Variants in GALNT17 observed in about 807,000 individuals in gnomAD.
GALNT17 encodes the protein polypeptide N-acetylgalactosaminyltransferase 17, also known as UDP-GalNAc:polypeptide N-acetylgalactosaminyltransferase-like 3.
A neutral mutation model predicts 63.7 loss-of-function variants in GALNT17; 29 were observed. The ratio of observed to expected loss-of-function variants is 0.46; its 90% CI spans 0.34 to 0.62. The LOEUF is 0.62. Among genes scored for constraint, GALNT17 ranks in the 20% least tolerant of loss-of-function variants. The probability of loss-of-function intolerance (pLI) is 0.01; values close to 1 mark genes in which losing one functional copy is unlikely to be tolerated. For missense variants in GALNT17, 603 were observed against 799.6 expected (o/e 0.75, Z 2.97); for synonymous variants, 305 against 318.3 (o/e 0.96, Z 0.45).
At chr7:71,599,490 G>C (rs1376515275) in intron 6 of GALNT17, among the ~76,000 whole-genome samples, 1 of 152,000 alleles carries the variant, frequency 6.6e-6, no homozygotes, top group Non-Finnish European at 1.5e-5. Context: ...GTTCCACCCC[G>C]CATCATTCTG....
chr7:71,660,558 A>G (rs1304547053), intron 6 of GALNT17, among the ~76,000 whole-genome samples: 2 of 152,286 alleles, frequency 1.3e-5, no homozygotes, highest in South Asian at 2.1e-4. Context: ...CTTTCTTGGG[A>G]CCAGCTGTAC....
At chr7:71,367,670 A>G (rs949217845) in intron 2 of GALNT17, among the ~76,000 whole-genome samples, 1 of 152,120 alleles carries the variant, frequency 6.6e-6, no homozygotes, top group Non-Finnish European at 1.5e-5. Flanking sequence ...TGACGAGTCC[A>G]CCAGCTCCTT....
chr7:71,511,086 G>A (rs932100377), intron 5 of GALNT17, among the ~76,000 whole-genome samples: 4 of 152,100 alleles, frequency 2.6e-5, no homozygotes, highest in African/African-American at 9.7e-5. Context: ...GGAGGCTGAG[G>A]CAGGAGGATC....
chr7:71,322,568 G>C (rs145306781), intron 1 of GALNT17, among the ~76,000 whole-genome samples: 71 of 152,224 alleles, frequency 4.7e-4, no homozygotes, highest in Non-Finnish European at 8.8e-4. Flanking sequence ...TGTCTTCTAG[G>C]ACAGAATTTA....
chr7:71,496,858 G>A (rs950692922), intron 5 of GALNT17, among the ~76,000 whole-genome samples: 6 of 152,022 alleles, frequency 3.9e-5, no homozygotes, highest in East Asian at 1.9e-4. Context: ...AGGATTGCTC[G>A]AGGCCAGGAG....
intron 1 of GALNT17, among the ~76,000 whole-genome samples, chr7:71,321,236 G>A (rs1421191568): frequency 6.6e-6 from 1 of 152,276 alleles, no homozygotes; most frequent in East Asian, 1.9e-4. Context: ...ATAAATGCTA[G>A]GAGGCTAAGT....
chr7:71,321,802 G>T (rs1332622171), intron 1 of GALNT17, among the ~76,000 whole-genome samples: 2 of 150,724 alleles, frequency 1.3e-5, no homozygotes, highest in Admixed American at 1.3e-4. Context: ...AAAATGCTCA[G>T]ATTACAGGCA....
intron 5 of GALNT17, among the ~76,000 whole-genome samples, chr7:71,548,218 G>T: frequency 6.6e-6 from 1 of 151,300 alleles, no homozygotes. Flanking sequence ...CTCCAGCCTG[G>T]GCAACAGAGC....
At chr7:71,691,313 T>G (rs1208931483) in intron 9 of GALNT17, among the ~76,000 whole-genome samples, 2 of 152,214 alleles carry the variant, frequency 1.3e-5, no homozygotes, top group Non-Finnish European at 2.9e-5. Context: ...ATTTTTAAAT[T>G]AAGCTATGCA....
rs985200950 is a variant in GALNT17, at chr7:71,421,122, C to T, written c.962+17C>T. On this transcript the variant is annotated intron_variant, in intron 5 of 10. Transcript: ENST00000333538. ...CCCCATCAGGTCTGTGGCTGGTGAG[C>T]CCTGGCGGCCAACGAGCCCCCAAAT... 2.6e-5 allele frequency: 42 copies of T among 1,613,340 alleles called. No homozygotes were observed. Among genetic ancestry groups the T allele is most frequent in the Non-Finnish European group, 3.3e-5 (39 of 1,179,720 alleles).
At chr7:71,446,769 G>A (rs891945276) in intron 5 of GALNT17, among the ~76,000 whole-genome samples, 6 of 152,096 alleles carry the variant, frequency 3.9e-5, no homozygotes, top group Non-Finnish European at 7.4e-5. Flanking sequence ...GGCTGGTCTC[G>A]AACTCCTGAC....
At position 71,486,704 on chromosome 7, in the gene GALNT17, TAAAA is replaced by T. The variant is rs113797548; in HGVS notation, c.962+65608_962+65611del. Among the ~76,000 whole-genome samples the T allele has an allele frequency of 3.1e-4, 43 of 139,850 alleles. 4 individuals carry two copies. In the East Asian group the frequency reaches 3.1e-3, roughly 10 times the overall value. 91.7% of individuals were successfully genotyped at this position (139,850 alleles called of 152,430 possible). ...GATCCCATCTCTACAATAAGTCAAT[TAAAA>T]AAAAAAAAGCCAAGCATGGTGATAT... On this transcript the variant is annotated intron_variant, in intron 5 of 10. Transcript: ENST00000333538.
chr7:71,301,379 A>C (rs1291236004), intron 1 of GALNT17, among the ~76,000 whole-genome samples: 1 of 147,308 alleles, frequency 6.8e-6, no homozygotes, highest in Non-Finnish European at 1.5e-5. Flanking sequence ...ATAATTATAT[A>C]TAATAATATA....
chr7:71,360,418 T>C (rs1029644302), intron 2 of GALNT17, among the ~76,000 whole-genome samples: 3 of 152,202 alleles, frequency 2.0e-5, no homozygotes, highest in Non-Finnish European at 4.4e-5. Context: ...AACCAACTTG[T>C]GATGAAAAAG....
At chr7:71,486,291 C>T (rs1342298253) in intron 5 of GALNT17, among the ~76,000 whole-genome samples, 4 of 150,604 alleles carry the variant, frequency 2.7e-5, no homozygotes, top group Non-Finnish European at 5.9e-5. Context: ...GTGATCACAC[C>T]ACTGCACTCC....
intron 9 of GALNT17, among the ~76,000 whole-genome samples, chr7:71,693,911 G>A (rs969964136): frequency 3.3e-5 from 5 of 151,862 alleles, no homozygotes; most frequent in Admixed American, 6.6e-5. Context: ...TGAGGTCGGG[G>A]AAGCTAATAT....
At chr7:71,527,672 A>G (rs1788646912) in intron 5 of GALNT17, among the ~76,000 whole-genome samples, 1 of 152,264 alleles carries the variant, frequency 6.6e-6, no homozygotes, top group African/African-American at 2.4e-5. Context: ...AAATCTTAAA[A>G]TGTCTGCAAT....
At chr7:71,153,081 G>A (rs1489953643) in intron 1 of GALNT17, among the ~76,000 whole-genome samples, 1 of 152,164 alleles carries the variant, frequency 6.6e-6, no homozygotes, top group Non-Finnish European at 1.5e-5. Flanking sequence ...CTAGTCAGCT[G>A]ATCTCCAGGG....
chr7:71,321,599 CCCCT>C (rs1478357658), intron 1 of GALNT17, among the ~76,000 whole-genome samples: 1 of 151,102 alleles, frequency 6.6e-6, no homozygotes, highest in Non-Finnish European at 1.5e-5. Flanking sequence ...TCAATTTTCT[CCCCT>C]CCCTCCCTCC....
Sources: gnomAD v4.1 joint callset for allele counts (sites outside exome capture counted in the v4.1 genomes callset) on GRCh38, gnomAD v4.1.1 for gene constraint, MANE v1.5 for transcripts, NCBI Gene and HGNC (gene_info 2026-07-23, HGNC 2026-07-21) for gene names.